Variants in FRMPD3 observed in about 807,000 individuals in gnomAD.
The protein encoded by FRMPD3 is FERM and PDZ domain containing 3, also known as FERM and PDZ domain-containing protein 3.
Under a neutral mutation model 97.9 loss-of-function variants are expected in FRMPD3, and 42 were observed. The observed-to-expected ratio is 0.43, with a 90% CI of 0.34 to 0.55. The LOEUF is 0.55. Among genes scored for constraint, FRMPD3 ranks in the 20% least tolerant of loss-of-function variants. FRMPD3 has a pLI of 0.03. For synonymous variants in FRMPD3, 577 were observed against 581.1 expected, an observed-to-expected ratio of 0.99 and a Z score of 0.10; for missense variants, 1,303 against 1,457.7, an observed-to-expected ratio of 0.89 and a Z score of 1.73.
rs147989329 is a variant in FRMPD3 at position 107,603,704 on chromosome X, C to T, written c.*331C>T. On this transcript the variant is annotated 3_prime_UTR_variant, in exon 15 of 15. Transcript: ENST00000683843. Reference sequence around the variant, plus strand: ...CATCAGGCTCACTTCCTGCTCAATCCGTGTTGGGCGCTGGGGGAGCCAGGG... The same window carrying T: ...CATCAGGCTCACTTCCTGCTCAATCTGTGTTGGGCGCTGGGGGAGCCAGGG... 37 of 188,065 alleles carry T rather than the reference C, an allele frequency of 2.0e-4. No homozygotes were observed. The highest frequency in any genetic ancestry group is 6.2e-4 in the Admixed American group (9 of 14,421). The allele number at this position is 188,065 out of a possible 1,213,427, so 15.5% of individuals were successfully genotyped here.
intron 3 of FRMPD3, among the ~76,000 whole-genome samples, chrX:107,532,362 G>A (rs1923005724): frequency 8.9e-6 from 1 of 112,332 alleles, no homozygotes; most frequent in Admixed American, 9.4e-5. Flanking sequence ...GTGGAACAGG[G>A]GAGAAGCCAG....
chrX:107,530,448 T>C lies in FRMPD3; in HGVS notation c.188T>C (p.Ile63Thr). 1.7e-6 allele frequency: 2 copies of C among 1,197,113 alleles called. No homozygotes were observed. Among genetic ancestry groups the C allele is most frequent in the Non-Finnish European group, 2.3e-6 (2 of 888,559 alleles). Residue 63 changes from isoleucine (I) to threonine (T), a missense_variant, in exon 3 of 15, where the codon ATT becomes ACT. Transcript: ENST00000683843. ...AACAAGCTCCTGGCTGGTGACCAGA[T>C]TGTGGCTATTAATGAGGAAGACGTG... ...SENKLLAGDQ[I>T]VAINEEDVSE...
At chrX:107,478,246 C>T (rs1405233283) in intron 1 of FRMPD3, among the ~76,000 whole-genome samples, 3 of 112,313 alleles carry the variant, frequency 2.7e-5, no homozygotes, top group Non-Finnish European at 5.6e-5. Context: ...CCTCTCAAAT[C>T]CCATCCTCTC....
At chrX:107,559,112 C>T (rs1378150469) in intron 8 of FRMPD3, among the ~76,000 whole-genome samples, 7 of 108,159 alleles carry the variant, frequency 6.5e-5, no homozygotes, top group Admixed American at 4.0e-4. Context: ...GGATTACAGG[C>T]GCCCGCCACC....
At position 107,598,037 on chromosome X, in the gene FRMPD3, G is replaced by C. The variant is rs761003659; in HGVS notation, c.2158G>C (p.Asp720His). 32 of 1,210,804 alleles carry C rather than the reference G, an allele frequency of 2.6e-5. No individual in the cohort carries two copies. The highest frequency in any genetic ancestry group is 3.6e-5 in the Non-Finnish European group (32 of 895,389). Residue 720 changes from aspartate (D) to histidine (H), a missense_variant, in exon 14 of 15, where the codon GAT (aspartate) becomes CAT (histidine). By Grantham distance (81) the Asp-to-His change is moderately conservative. Transcript: ENST00000683843. ...CAGTGTGCAGACCCGGACAGTTCGAGATCATGCCCAGGAGCTAGATGATGC... is the reference window on the plus strand; with the variant it reads ...CAGTGTGCAGACCCGGACAGTTCGACATCATGCCCAGGAGCTAGATGATGC... ...IDSVQTRTVR[D>H]HAQELDDALV...
At chrX:107,506,570 T>C (rs1299425049) in intron 1 of FRMPD3, among the ~76,000 whole-genome samples, 1 of 112,787 alleles carries the variant, frequency 8.9e-6, no homozygotes, top group Non-Finnish European at 1.9e-5. Context: ...GCACAGTGCC[T>C]GGCACTTAGT....
intron 13 of FRMPD3, among the ~76,000 whole-genome samples, chrX:107,581,403 G>A: frequency 9.1e-6 from 1 of 109,955 alleles, no homozygotes; most frequent in East Asian, 2.8e-4. Flanking sequence ...GAGCCACCAC[G>A]CCTAGCCTTT....
In FRMPD3 at chrX:107,603,515, C is replaced by G. The variant is rs372443892; in HGVS notation, c.*142C>G. The stretch of plus-strand genomic sequence containing the variant: ...CCCATCAGTCTCCGGGGAGTGGAAA[C>G]TCTCTTGATTGAGGCTCTCTCTTAA... On this transcript the variant is annotated 3_prime_UTR_variant, in exon 15 of 15. Coordinates refer to ENST00000683843, the MANE Select transcript of FRMPD3 (RefSeq NM_001388459.1). 9.4e-6 allele frequency: 10 copies of G among 1,064,079 alleles called. No homozygotes were observed. In the South Asian group the frequency reaches 1.8e-4, roughly 19 times the overall value. 87.7% of individuals were successfully genotyped at this position (1,064,079 alleles called of 1,213,427 possible).
chrX:107,520,940 G>A (rs1220488272), intron 1 of FRMPD3, among the ~76,000 whole-genome samples: 1 of 111,839 alleles, frequency 8.9e-6, no homozygotes, highest in African/African-American at 3.2e-5. Flanking sequence ...CTCAATAAAT[G>A]GCAGCTGATA....
intron 1 of FRMPD3, among the ~76,000 whole-genome samples, chrX:107,495,672 T>G (rs779202572): frequency 5.7e-4 from 63 of 111,486 alleles, no homozygotes; most frequent in Middle Eastern, 4.7e-3. Context: ...ACTTCATGGG[T>G]AAGAAGACAT....
rs776720355 is a variant in FRMPD3, at chrX:107,584,292, G to T, written c.1441+7833G>T. Among the ~76,000 whole-genome samples, 221 of 110,834 alleles carry T rather than the reference G, an allele frequency of 2.0e-3. 2 individuals carry two copies. The highest frequency in any genetic ancestry group is 6.9e-3 in the African/African-American group (212 of 30,509). On this transcript the variant is annotated intron_variant, in intron 13 of 14. Coordinates refer to ENST00000683843, the MANE Select transcript of FRMPD3 (RefSeq NM_001388459.1). ...TGCCCACTTTTTTATGGGATTGTTT[G>T]TTTTTTTTCCTTGTAAATTTGTTTA...
intron 1 of FRMPD3, among the ~76,000 whole-genome samples, chrX:107,472,625 G>A (rs965498040): frequency 9.0e-6 from 1 of 111,466 alleles, no homozygotes; most frequent in Non-Finnish European, 1.9e-5. Flanking sequence ...GGGTGAGCTC[G>A]GCTCACAGTA....
intron 1 of FRMPD3, among the ~76,000 whole-genome samples, chrX:107,493,375 C>T (rs1408215929): frequency 9.0e-6 from 1 of 110,892 alleles, no homozygotes; most frequent in Non-Finnish European, 1.9e-5. Flanking sequence ...AGTGTCATGT[C>T]TGTGCTTCCT....
intron 4 of FRMPD3, chrX:107,545,462 A>C: frequency 4.4e-6 from 1 of 226,335 alleles, no homozygotes. Context: ...GTTATTACTA[A>C]AGAACTTTTG....
chrX:107,538,540 TA>T (rs55749241), intron 4 of FRMPD3, among the ~76,000 whole-genome samples: 15,032 of 63,445 alleles, frequency 0.24, 1,382 homozygotes, highest in East Asian at 0.53. Context: ...CTATATTTGT[TA>T]AAAAAAAAAA....
intron 2 of FRMPD3, among the ~76,000 whole-genome samples, chrX:107,528,962 G>C (rs150632382): frequency 1.5e-3 from 173 of 113,227 alleles, no homozygotes; most frequent in African/African-American, 5.3e-3. Flanking sequence ...TGATGTATTT[G>C]TTGTGTATGT....
At chrX:107,520,264 C>T (rs1285318148) in intron 1 of FRMPD3, among the ~76,000 whole-genome samples, 1 of 110,745 alleles carries the variant, frequency 9.0e-6, no homozygotes, top group African/African-American at 3.3e-5. Flanking sequence ...CTCTTACAGA[C>T]AGCATTGAAG....
rs749527571 is a variant in FRMPD3, at chrX:107,563,210, G to A, written c.1116+10G>A. The A allele has an allele frequency of 1.4e-4, 165 of 1,188,201 alleles. No individual in the cohort carries two copies. Among genetic ancestry groups the A allele is most frequent in the Admixed American group, 5.5e-4 (25 of 45,443 alleles). ...CAACACTGTAGGCCTGGTCAGTGGC[G>A]CAGGATTGGGGGATGTGGGGAGGGA... On this transcript the variant is annotated intron_variant, in intron 11 of 14. Transcript: ENST00000683843.
chrX:107,457,756 C>T (rs181219675), intron 1 of FRMPD3, among the ~76,000 whole-genome samples: 1 of 111,895 alleles, frequency 8.9e-6, no homozygotes, highest in Non-Finnish European at 1.9e-5. Flanking sequence ...TTGCTTAACT[C>T]GTTGAATTGG....
Sources: allele counts gnomAD v4.1 joint callset (sites outside exome capture counted in the v4.1 genomes callset), GRCh38; gene constraint gnomAD v4.1.1; transcripts MANE v1.5; gene names NCBI Gene and HGNC (gene_info 2026-07-23, HGNC 2026-07-21).